Variants in RFTN1 observed in about 807,000 individuals in gnomAD.
RFTN1 encodes the protein raftlin.
A neutral mutation model predicts 46.5 loss-of-function variants in RFTN1; 26 were observed. That is an observed-to-expected ratio of 0.56 (90% CI 0.41 to 0.78). The LOEUF is 0.78. Among genes scored for constraint, RFTN1 ranks in the 30% least tolerant of loss-of-function variants. RFTN1 has a pLI of 0.00. For missense variants in RFTN1, 693 were observed against 718.7 expected (o/e 0.96, Z 0.41); for synonymous variants, 261 against 284.2 (o/e 0.92, Z 0.82).
intron 9 of RFTN1, 56 bp downstream of exon 9, chr3:16,323,320 C>A: frequency 7.6e-7 from 1 of 1,308,120 alleles, no homozygotes; most frequent in East Asian, 2.3e-5. Flanking sequence ...GCAGAAAATC[C>A]ACTGAAGATG....
intron 2 of RFTN1, among the ~76,000 whole-genome samples, chr3:16,436,752 A>C (rs894054168): frequency 6.6e-6 from 1 of 152,246 alleles, no homozygotes; most frequent in African/African-American, 2.4e-5. Context: ...ATATTCCCAA[A>C]TATGAGTTTA....
chr3:16,482,666 G>A (rs2076386485), intron 2 of RFTN1: 1 of 1,134,722 alleles, frequency 8.8e-7, no homozygotes, highest in Non-Finnish European at 1.3e-6. Context: ...TCTCTATAAG[G>A]ATTAATTGAC....
In RFTN1 at chr3:16,426,660, C is replaced by CATGTGTGT. The variant is rs1553593376; in HGVS notation, c.332+7190_332+7191insACACACAT. 7.0e-6 allele frequency among the ~76,000 whole-genome samples: 1 copy of CATGTGTGT among 142,026 alleles called. No individual in the cohort carries two copies. The highest frequency in any genetic ancestry group is 1.5e-5 in the Non-Finnish European group (1 of 65,570). The allele number at this position is 142,026 out of a possible 152,430, so 93.2% of individuals were successfully genotyped here. On this transcript the variant is annotated intron_variant, in intron 3 of 9. Transcript: ENST00000334133. This position sits in a 1 kb window ranked among gnomAD's most constrained non-coding sequence, Gnocchi z 5.9. Reference sequence around the variant, plus strand: ...ACTGTTATTTTGGCAATGAAAGGATCGTGTGTGTGTGTGTGTGTGTGTGTG... The same window carrying CATGTGTGT: ...ACTGTTATTTTGGCAATGAAAGGATCATGTGTGTGTGTGTGTGTGTGTGTGTGTGTGTG...
chr3:16,409,797 G>A (rs1230666449), intron 3 of RFTN1, among the ~76,000 whole-genome samples: 1 of 150,332 alleles, frequency 6.7e-6, no homozygotes, highest in Admixed American at 6.7e-5. Context: ...CCATTCTCCT[G>A]CCTCAGCCTC....
In RFTN1 at chr3:16,484,592, A is replaced by C. The variant is rs144328813; in HGVS notation, c.145+9133T>G. On this transcript the variant is annotated intron_variant, in intron 2 of 9. Coordinates refer to ENST00000334133, the MANE Select transcript of RFTN1 (RefSeq NM_015150.2). This position sits in a 1 kb window ranked among gnomAD's most constrained non-coding sequence, Gnocchi z 4.6. Reference sequence around the variant, plus strand: ...CGAAATTGTAATGCGTGTCATGGGAATGTCTTATAAGGAGGAACTTAAGAA... The same window carrying C: ...CGAAATTGTAATGCGTGTCATGGGACTGTCTTATAAGGAGGAACTTAAGAA... The C allele has an allele frequency of 6.6e-6, 1 of 152,352 alleles. No individual in the cohort carries two copies. Among genetic ancestry groups the C allele is most frequent in the East Asian group, 1.9e-4 (1 of 5,184 alleles). The allele number at this position is 152,352 out of a possible 1,614,324, so 9.4% of individuals were successfully genotyped here.
Position 16,400,523 on chromosome 3 carries a change from C to T in RFTN1, c.441+8852G>A, listed in dbSNP as rs150171829. On this transcript the variant is annotated intron_variant, in intron 4 of 9. Transcript: ENST00000334133. This position sits in a 1 kb window ranked among gnomAD's most constrained non-coding sequence, Gnocchi z 4.5. ...CACGTGTCCAGGGCATTACCTAGACCGGCTTACTAAAGTATTCCCAAACAC... is the reference window on the plus strand; with the variant it reads ...CACGTGTCCAGGGCATTACCTAGACTGGCTTACTAAAGTATTCCCAAACAC... 1.3e-3 allele frequency among the ~76,000 whole-genome samples: 197 copies of T among 152,300 alleles called. 1 individual carries two copies. In the East Asian group the frequency reaches 0.026, roughly 20 times the overall value.
chr3:16,469,784 T>G (rs905163890), intron 2 of RFTN1, among the ~76,000 whole-genome samples: 2 of 152,198 alleles, frequency 1.3e-5, no homozygotes, highest in African/African-American at 4.8e-5. Flanking sequence ...CAGCACTGAC[T>G]GGACACAAAG....
At chr3:16,318,985 A>C (rs561920998) in intron 9 of RFTN1, among the ~76,000 whole-genome samples, 7 of 152,300 alleles carry the variant, frequency 4.6e-5, no homozygotes, top group African/African-American at 1.4e-4. Context: ...CCACCAGAGG[A>C]GGCCCCTGAT....
rs1559795763 is a variant in RFTN1, at chr3:16,317,142, C to T, written c.1423G>A (p.Glu475Lys). 1 of 1,613,640 alleles carries T rather than the reference C, an allele frequency of 6.2e-7. No homozygotes were observed. The highest frequency in any genetic ancestry group is 1.7e-5 in the Admixed American group (1 of 59,966). ...TCTTCTAAGTTCTTCTCATTTTCTT[C>T]TGCTTGTTGTTTGTCTCTGGCACTG... ...KLSARDKQQA[E>K]ENEKNLEDQS... Residue 475 changes from glutamate (E) to lysine (K), a missense_variant, in exon 10 of 10, where the codon GAA becomes AAA. By Grantham distance (56) the Glu-to-Lys change is moderately conservative. Coordinates refer to ENST00000334133, the MANE Select transcript of RFTN1 (RefSeq NM_015150.2). The surrounding 1 kb of genome is among the most constrained non-coding windows in gnomAD (Gnocchi z 4.3).
At chr3:16,319,225 C>T (rs1450059848) in intron 9 of RFTN1, among the ~76,000 whole-genome samples, 1 of 152,110 alleles carries the variant, frequency 6.6e-6, no homozygotes, top group East Asian at 1.9e-4. Flanking sequence ...TGAAGCCTAC[C>T]TGTGTAGTAT....
intron 5 of RFTN1, among the ~76,000 whole-genome samples, chr3:16,372,045 G>A (rs562164025): frequency 1.3e-4 from 20 of 152,288 alleles, no homozygotes; most frequent in Non-Finnish European, 2.5e-4. Context: ...TGCAGCTACC[G>A]AGGGCAAGAG....
Position 16,383,512 on chromosome 3 carries a change from T to A in RFTN1, c.442-5410A>T, listed in dbSNP as rs946466772. 6.6e-6 allele frequency among the ~76,000 whole-genome samples: 1 copy of A among 152,066 alleles called. No individual in the cohort carries two copies. The highest frequency in any genetic ancestry group is 1.5e-5 in the Non-Finnish European group (1 of 68,014). ...TTATATAAAAAGTCACAAGTCATTG[T>A]AAAAAAAATCTTTGGTTATATATTT... On this transcript the variant is annotated intron_variant, in intron 4 of 9. Coordinates refer to ENST00000334133, the MANE Select transcript of RFTN1 (RefSeq NM_015150.2). This position sits in a 1 kb window ranked among gnomAD's most constrained non-coding sequence, Gnocchi z 4.0.
rs1217592244 is a variant in RFTN1, at chr3:16,428,001, A to G, written c.332+5850T>C. Among the ~76,000 whole-genome samples the G allele has an allele frequency of 6.6e-6, 1 of 151,278 alleles. No individual in the cohort carries two copies. The highest frequency in any genetic ancestry group is 1.5e-5 in the Non-Finnish European group (1 of 67,906). On this transcript the variant is annotated intron_variant, in intron 3 of 9. Coordinates refer to ENST00000334133, the MANE Select transcript of RFTN1 (RefSeq NM_015150.2). This position sits in a 1 kb window ranked among gnomAD's most constrained non-coding sequence, Gnocchi z 4.7. ...CCAAGACCTGTAGACTTACCTGGGC[A>G]ATTATATAATTTGCACATATATTTT... is the stretch of plus-strand genomic sequence containing the variant.
intron 4 of RFTN1, among the ~76,000 whole-genome samples, chr3:16,405,819 C>T (rs554862343): frequency 3.3e-5 from 5 of 152,062 alleles, no homozygotes; most frequent in South Asian, 2.1e-4. Flanking sequence ...TATGACAAAA[C>T]GAGTTAATTA....
chr3:16,377,174 T>C (rs1248746003), intron 5 of RFTN1, among the ~76,000 whole-genome samples: 1 of 152,054 alleles, frequency 6.6e-6, no homozygotes, highest in Non-Finnish European at 1.5e-5. Flanking sequence ...TCGGCAAATC[T>C]TGTTAGTCTA....
chr3:16,387,046 C>G lies in RFTN1; in HGVS notation c.442-8944G>C, dbSNP rs538290280. ...ATATGGTCACCTGGTTCAGTGTGACCAGCAGTGAAGACCCAGAAAGCTGCT... is the reference window on the plus strand; with the variant it reads ...ATATGGTCACCTGGTTCAGTGTGACGAGCAGTGAAGACCCAGAAAGCTGCT... On this transcript the variant is annotated intron_variant, in intron 4 of 9. Coordinates refer to ENST00000334133, the MANE Select transcript of RFTN1 (RefSeq NM_015150.2). The surrounding 1 kb of genome is among the most constrained non-coding windows in gnomAD (Gnocchi z 5.2). Among the ~76,000 whole-genome samples, 57 of 152,304 alleles carry G rather than the reference C, an allele frequency of 3.7e-4. No homozygotes were observed. Among genetic ancestry groups the G allele is most frequent in the African/African-American group, 1.2e-3 (49 of 41,556 alleles).
chr3:16,362,376 C>T (rs952823733), intron 6 of RFTN1, among the ~76,000 whole-genome samples: 2 of 152,180 alleles, frequency 1.3e-5, no homozygotes, highest in East Asian at 1.9e-4. Flanking sequence ...AGACATGTTT[C>T]ATAGGTTATC....
At chr3:16,391,868 T>G (rs1157113083) in intron 4 of RFTN1, among the ~76,000 whole-genome samples, 1 of 106,046 alleles carries the variant, frequency 9.4e-6, no homozygotes, top group African/African-American at 4.7e-5. Flanking sequence ...GTTTTTTTTT[T>G]GTTTTTTTTT....
At chr3:16,372,932 C>CT (rs1227687276) in intron 5 of RFTN1, among the ~76,000 whole-genome samples, 1 of 152,218 alleles carries the variant, frequency 6.6e-6, no homozygotes, top group African/African-American at 2.4e-5. Flanking sequence ...ATGCATAACC[C>CT]TTGTACGCTC....
Sources: gnomAD v4.1 joint callset for allele counts (sites outside exome capture counted in the v4.1 genomes callset) on GRCh38, gnomAD v4.1.1 for gene constraint, Gnocchi (gnomAD v3.1) non-coding constraint, MANE v1.5 for transcripts, NCBI Gene and HGNC (gene_info 2026-07-23, HGNC 2026-07-21) for gene names.